The following GAPVD1 variants were observed in gnomAD, a reference collection of about 807,000 sequenced individuals.
GAPVD1 encodes GTPase-activating protein and VPS9 domain-containing protein 1.
GAPVD1 carries 35 observed loss-of-function variants against 155.5 expected under a neutral mutation model. That is an observed-to-expected ratio of 0.23 (90% CI 0.17 to 0.30). The LOEUF is 0.30. Ranked by LOEUF, GAPVD1 falls within the 10% of genes least tolerant of loss-of-function variation. The pLI, the probability that GAPVD1 is intolerant of heterozygous loss-of-function variation, is 1.00. For synonymous variants in GAPVD1, 636 were observed against 619.7 expected, an observed-to-expected ratio of 1.03 and a Z score of -0.39; for missense variants, 1,429 against 1,775.7, an observed-to-expected ratio of 0.80 and a Z score of 3.51.
chr9:125,344,612 T>G (rs1384854246), intron 19 of GAPVD1, among the ~76,000 whole-genome samples: 1 of 152,178 alleles, frequency 6.6e-6, no homozygotes, highest in Non-Finnish European at 1.5e-5. Flanking sequence ...TAATGTATTG[T>G]ATTGTCCCTT....
intron 9 of GAPVD1, among the ~76,000 whole-genome samples, chr9:125,315,026 A>T (rs1445842264): frequency 6.6e-6 from 1 of 152,010 alleles, no homozygotes; most frequent in Non-Finnish European, 1.5e-5. Context: ...TGACCTCGTG[A>T]TCCGCCCACC....
intron 15 of GAPVD1, among the ~76,000 whole-genome samples, chr9:125,335,796 A>G (rs1846837842): frequency 6.6e-6 from 1 of 152,222 alleles, no homozygotes; most frequent in South Asian, 2.1e-4. Flanking sequence ...TTTCTAATAT[A>G]GAATATCAAT....
intron 2 of GAPVD1, among the ~76,000 whole-genome samples, chr9:125,283,748 G>A (rs1837179854): frequency 6.6e-6 from 1 of 152,122 alleles, no homozygotes; most frequent in Non-Finnish European, 1.5e-5. Flanking sequence ...AACTTGAAAT[G>A]TGATTCTTAT....
chr9:125,301,473 G>C (rs1282272694), intron 4 of GAPVD1, among the ~76,000 whole-genome samples: 2 of 151,424 alleles, frequency 1.3e-5, no homozygotes, highest in African/African-American at 4.9e-5. Flanking sequence ...TTTCCAGACA[G>C]AGTCTTGCTT....
At chr9:125,303,911 TA>T (rs998945976) in intron 5 of GAPVD1, 3 of 152,154 alleles carry the variant, frequency 2.0e-5, no homozygotes, top group Non-Finnish European at 4.4e-5. Context: ...TTTATAAATT[TA>T]AAAAAATTAT....
chr9:125,331,358 G>A (rs574803605), intron 13 of GAPVD1, among the ~76,000 whole-genome samples: 2 of 152,086 alleles, frequency 1.3e-5, no homozygotes, highest in African/African-American at 4.8e-5. Flanking sequence ...CTGCCACCAC[G>A]CCTAGCTAGT....
chr9:125,356,977 G>T (rs1420422977), intron 25 of GAPVD1, among the ~76,000 whole-genome samples: 2 of 152,052 alleles, frequency 1.3e-5, no homozygotes, highest in African/African-American at 4.8e-5. Flanking sequence ...GCTCAGCCTT[G>T]TTTATTTTTT....
chr9:125,359,612 C>G, intron 26 of GAPVD1, 120 bp downstream of exon 26: 2 of 645,424 alleles, frequency 3.1e-6, no homozygotes, highest in South Asian at 3.8e-5. Context: ...ATCATTTTCA[C>G]TCTATGTAAT....
chr9:125,325,044 G>C (rs1844913404), intron 11 of GAPVD1, among the ~76,000 whole-genome samples: 1 of 152,006 alleles, frequency 6.6e-6, no homozygotes, highest in African/African-American at 2.4e-5. Flanking sequence ...GGCCAACATA[G>C]TGAAACCCCA....
At chr9:125,328,191 T>TC (rs1299453341) in intron 12 of GAPVD1, among the ~76,000 whole-genome samples, 1 of 149,714 alleles carries the variant, frequency 6.7e-6, no homozygotes, top group African/African-American at 2.5e-5. Context: ...TAGATTTCTT[T>TC]TTTTTTTTTT....
rs1564312396 is a variant in GAPVD1, at chr9:125,293,888, A to ATATATAAATATATTT, written c.-149-1564_-149-1563insAATATATTTTATATA. 3.2e-3 allele frequency among the ~76,000 whole-genome samples: 339 copies of ATATATAAATATATTT among 104,990 alleles called. 13 individuals carry two copies. The highest frequency in any genetic ancestry group is 0.011 in the African/African-American group (321 of 29,766). 68.9% of individuals were successfully genotyped at this position (104,990 alleles called of 152,430 possible). Reference sequence around the variant, plus strand: ...TATATATATATATATATATATATATATATATATATATATATAAGTTTTTGT... The same window carrying ATATATAAATATATTT: ...TATATATATATATATATATATATATATATATAAATATATTTTATATATATATATATAAGTTTTTGT... On this transcript the variant is annotated intron_variant, in intron 2 of 27. Coordinates refer to ENST00000297933, the MANE Select transcript of GAPVD1 (RefSeq NM_001282680.3).
chr9:125,277,191 A>C (rs1835925083), intron 2 of GAPVD1, among the ~76,000 whole-genome samples: 1 of 152,234 alleles, frequency 6.6e-6, no homozygotes, highest in Admixed American at 6.5e-5. Context: ...AAATTCAAAC[A>C]TTCATTCAGC....
chr9:125,331,929 C>T lies in GAPVD1; in HGVS notation c.2177C>T (p.Ala726Val), dbSNP rs576988222. Reference protein sequence around the residue: ...SVEVLPSDSEAPDLKQEERLQ... With the variant: ...SVEVLPSDSEVPDLKQEERLQ... ...ATACCTCTTATCTTCTATTTAGAGGCCCCAGACCTAAAGCAGGAGGAGCGT... is the reference window on the plus strand; with the variant it reads ...ATACCTCTTATCTTCTATTTAGAGGTCCCAGACCTAAAGCAGGAGGAGCGT... Residue 726 changes from alanine (A) to valine (V), a missense_variant, in exon 14 of 28, where the codon GCC (alanine) becomes GTC (valine). This residue lies in a region of GAPVD1 where 699 missense variants were observed against 826.0 expected (regional missense o/e 0.85). Transcript: ENST00000297933. The T allele has an allele frequency of 1.2e-6, 2 of 1,613,684 alleles. No homozygotes were observed. Among genetic ancestry groups the T allele is most frequent in the South Asian group, 1.1e-5 (1 of 91,058 alleles).
At chr9:125,291,286 A>G (rs1386232451) in intron 2 of GAPVD1, among the ~76,000 whole-genome samples, 1 of 152,092 alleles carries the variant, frequency 6.6e-6, no homozygotes, top group Non-Finnish European at 1.5e-5. Context: ...GACCTTATCT[A>G]AGGGAAGAAA....
intron 1 of GAPVD1, chr9:125,264,165 TAAA>T (rs975606558): frequency 8.9e-6 from 6 of 671,882 alleles, no homozygotes; most frequent in African/African-American, 8.9e-5. Context: ...ATCAGGGAGA[TAAA>T]AAATTTGGAT....
At chr9:125,264,170 A>T (rs1207388563) in intron 1 of GAPVD1, 1 of 667,902 alleles carries the variant, frequency 1.5e-6, no homozygotes, top group Non-Finnish European at 2.7e-6. Flanking sequence ...GGAGATAAAA[A>T]ATTTGGATGG....
chr9:125,309,413 CAACCTCTGCCT>C (rs745904397), intron 8 of GAPVD1: 1 of 152,118 alleles, frequency 6.6e-6, no homozygotes, highest in African/African-American at 2.4e-5. Flanking sequence ...TGGCTCACTG[CAACCTCTGCCT>C]TCCAGGTTCA....
At chr9:125,313,744 G>A (rs1364782979) in intron 9 of GAPVD1, among the ~76,000 whole-genome samples, 1 of 152,214 alleles carries the variant, frequency 6.6e-6, no homozygotes, top group Non-Finnish European at 1.5e-5. Context: ...TGGTCTTACA[G>A]GCATGTGCCA....
intron 15 of GAPVD1, among the ~76,000 whole-genome samples, chr9:125,334,201 A>G (rs1189650437): frequency 6.6e-6 from 1 of 152,056 alleles, no homozygotes. Flanking sequence ...GTGCATAGGC[A>G]AAGTGGATAA....
Sources: gnomAD v4.1 joint callset for allele counts (sites outside exome capture counted in the v4.1 genomes callset) on GRCh38, gnomAD v4.1.1 for gene constraint, gnomAD v4.1.1 regional missense constraint, MANE v1.5 for transcripts, NCBI Gene and HGNC (gene_info 2026-07-23, HGNC 2026-07-21) for gene names.